Variants in ZFHX3 observed in about 807,000 individuals in gnomAD.
ZFHX3 encodes zinc finger homeobox 3, also known as zinc finger homeobox protein 3.
ZFHX3 carries 42 observed loss-of-function variants against 279.1 expected under a neutral mutation model. The observed-to-expected ratio is 0.15, with a 90% CI of 0.12 to 0.19. ZFHX3 has a LOEUF of 0.19. Ranked by LOEUF, ZFHX3 falls within the 10% of genes least tolerant of loss-of-function variation. The pLI is 1.00. For synonymous variants in ZFHX3, 2,293 were observed against 1,957.8 expected (o/e 1.17, Z -4.52); for missense variants, 4,981 against 4,754.0 (o/e 1.05, Z -1.40).
chr16:73,888,251 A>T (rs949673951), intron 1 of ZFHX3, among the ~76,000 whole-genome samples: 3 of 152,220 alleles, frequency 2.0e-5, no homozygotes, highest in Non-Finnish European at 4.4e-5. Context: ...TCATGCTAGC[A>T]GCGGTAACGG....
intron 4 of ZFHX3, among the ~76,000 whole-genome samples, chr16:73,265,078 CGTGTGTGTGT>C (rs72075949): frequency 2.7e-5 from 4 of 145,928 alleles, no homozygotes; most frequent in Admixed American, 6.8e-5. Flanking sequence ...CGCATATATG[CGTGTGTGTGT>C]GTGTGTGTGT....
At chr16:73,034,126 G>T (rs866007323) in intron 1 of ZFHX3, among the ~76,000 whole-genome samples, 1 of 151,870 alleles carries the variant, frequency 6.6e-6, no homozygotes, top group Non-Finnish European at 1.5e-5. Context: ...TCTAGGATGG[G>T]ACTGCTTGCC....
chr16:73,415,936 A>G (rs1393283135), intron 3 of ZFHX3, among the ~76,000 whole-genome samples: 1 of 152,118 alleles, frequency 6.6e-6, no homozygotes, highest in Non-Finnish European at 1.5e-5. Context: ...CCTGGCCAAC[A>G]TGGTGAAACC....
Position 73,363,656 on chromosome 16 carries a change from T to A in ZFHX3, c.-1290-45320A>T, listed in dbSNP as rs149825167. Among the ~76,000 whole-genome samples, 575 of 152,296 alleles carry A rather than the reference T, an allele frequency of 3.8e-3. 3 individuals are homozygous for A. The highest frequency in any genetic ancestry group is 0.013 in the African/African-American group (536 of 41,556). On this transcript the variant is annotated intron_variant, in intron 3 of 17. Coordinates refer to the ZFHX3 transcript ENST00000641206. ...ACTATGTCTTAATTATGCAATATTCTTAATTAATGGGGCATGGATGGATGA... is the reference window on the plus strand; with the variant it reads ...ACTATGTCTTAATTATGCAATATTCATAATTAATGGGGCATGGATGGATGA...
At chr16:73,576,319 T>C (rs1425555835) in intron 2 of ZFHX3, among the ~76,000 whole-genome samples, 1 of 152,184 alleles carries the variant, frequency 6.6e-6, no homozygotes, top group Non-Finnish European at 1.5e-5. Flanking sequence ...AGCCCTGAAA[T>C]TCTCAGCTAA....
intron 2 of ZFHX3, among the ~76,000 whole-genome samples, chr16:73,656,087 C>A (rs1001603413): frequency 1.3e-5 from 2 of 152,136 alleles, no homozygotes; most frequent in African/African-American, 4.8e-5. Context: ...CAGGGGTTGG[C>A]AAACTATAGA....
chr16:73,290,282 A>C (rs2014735774), intron 4 of ZFHX3, among the ~76,000 whole-genome samples: 1 of 152,188 alleles, frequency 6.6e-6, no homozygotes, highest in African/African-American at 2.4e-5. Context: ...TGCAGTGTTC[A>C]GCACCATGAG....
intron 1 of ZFHX3, among the ~76,000 whole-genome samples, chr16:73,872,224 T>C (rs936518921): frequency 1.3e-5 from 2 of 151,860 alleles, no homozygotes; most frequent in Admixed American, 1.3e-4. Context: ...TCACTCCCCA[T>C]ATAAAAGAGA....
rs146708537 is a variant in ZFHX3, at chr16:73,868,237, A to G, written c.-1608+23414T>C. Among the ~76,000 whole-genome samples, 14 of 152,216 alleles carry G rather than the reference A, an allele frequency of 9.2e-5. 1 individual carries two copies. Among genetic ancestry groups the G allele is most frequent in the Admixed American group, 2.6e-4 (4 of 15,288 alleles). On this transcript the variant is annotated intron_variant, in intron 1 of 17. Transcript: ENST00000641206. ...CACCCTCTGAAGTCAAGGTTCAACA[A>G]TGCGGCCAAGTGGGGTGGCTCACGC...
Position 72,784,451 on chromosome 16 carries a change from T to TTAAC in ZFHX3, c.*2709_*2712dup, listed in dbSNP as rs2035263417. On this transcript the variant is annotated 3_prime_UTR_variant, in exon 10 of 10. Transcript: ENST00000268489. ...GACAGGTAAAGCTAGTGTTACATTG[T>TTAAC]TAACTGATATCACATAGAGAACCAA... 1 of 152,500 alleles carries TTAAC rather than the reference T, an allele frequency of 6.6e-6. No homozygotes were observed. The highest frequency in any genetic ancestry group is 1.5e-5 in the Non-Finnish European group (1 of 68,026). The allele number at this position is 152,500 out of a possible 1,614,324, so 9.4% of individuals were successfully genotyped here.
Position 73,004,111 on chromosome 16 carries a change from T to C in ZFHX3, c.-50+43641A>G, listed in dbSNP as rs141631107. 3.3e-4 allele frequency among the ~76,000 whole-genome samples: 50 copies of C among 151,066 alleles called. No homozygotes were observed. In the East Asian group the frequency reaches 8.1e-3, roughly 24 times the overall value. ...TCCATTTGTGTTCTTTGCCCATTTA[T>C]CTCTTTTTATTTTTGTTTACCACAA... On this transcript the variant is annotated intron_variant, in intron 1 of 9. Transcript: ENST00000268489.
intron 1 of ZFHX3, among the ~76,000 whole-genome samples, chr16:73,704,898 G>C (rs974566616): frequency 6.6e-6 from 1 of 152,190 alleles, no homozygotes; most frequent in African/African-American, 2.4e-5. Context: ...TACTGATTCA[G>C]TATTGTGCTG....
intron 1 of ZFHX3, among the ~76,000 whole-genome samples, chr16:73,777,239 C>G (rs1424931199): frequency 6.6e-6 from 1 of 152,122 alleles, no homozygotes; most frequent in East Asian, 1.9e-4. Flanking sequence ...CACGGTGGCT[C>G]ATGCCTGTAA....
At position 73,471,451 on chromosome 16, in the gene ZFHX3, CA is replaced by C. The variant is rs1224605246; in HGVS notation, c.-1546-15194del. ...TAGACAGAATTTCACTCTTGTCGCC[CA>C]GGCTGAAGTGCAATGGTGCAATCTT... On this transcript the variant is annotated intron_variant, in intron 2 of 17. Transcript: ENST00000641206. 2.6e-5 allele frequency among the ~76,000 whole-genome samples: 4 copies of C among 152,006 alleles called. No homozygotes were observed. In the East Asian group the frequency reaches 7.7e-4, roughly 29 times the overall value.
intron 3 of ZFHX3, among the ~76,000 whole-genome samples, chr16:72,894,771 T>C (rs979013712): frequency 1.3e-5 from 2 of 152,236 alleles, no homozygotes; most frequent in Non-Finnish European, 2.9e-5. Context: ...AGCTGCCTGC[T>C]TTCAGAGTTC....
intron 5 of ZFHX3, among the ~76,000 whole-genome samples, chr16:73,227,079 C>A (rs1159281003): frequency 6.6e-6 from 1 of 152,090 alleles, no homozygotes; most frequent in Non-Finnish European, 1.5e-5. Flanking sequence ...TTCTGGGACA[C>A]TATTAAACTT....
chr16:73,229,639 G>A (rs2012710569), intron 5 of ZFHX3, among the ~76,000 whole-genome samples: 1 of 152,150 alleles, frequency 6.6e-6, no homozygotes, highest in African/African-American at 2.4e-5. Context: ...TTTAAGGGCA[G>A]CATGGTTCAA....
rs572035301 is a variant in ZFHX3, at chr16:73,379,294, T to G, written c.-1290-60958A>C. Among the ~76,000 whole-genome samples the G allele has an allele frequency of 4.5e-4, 69 of 152,300 alleles. 2 individuals are homozygous for G. Among genetic ancestry groups the G allele is most frequent in the African/African-American group, 1.6e-3 (66 of 41,562 alleles). On this transcript the variant is annotated intron_variant, in intron 3 of 17. Coordinates refer to the ZFHX3 transcript ENST00000641206. The stretch of plus-strand genomic sequence containing the variant: ...CATTATTGGGTCATTCTGGAATGCC[T>G]TGGCTTTTTACTTCTATTGACCCCC...
intron 2 of ZFHX3, among the ~76,000 whole-genome samples, chr16:73,635,917 T>A (rs1365780994): frequency 6.6e-6 from 1 of 152,248 alleles, no homozygotes; most frequent in Non-Finnish European, 1.5e-5. Flanking sequence ...CCTGATTTCA[T>A]GTAATTTGGC....
Sources: allele counts gnomAD v4.1 joint callset (sites outside exome capture counted in the v4.1 genomes callset), GRCh38; gene constraint gnomAD v4.1.1; transcripts MANE v1.5; gene names NCBI Gene and HGNC (gene_info 2026-07-23, HGNC 2026-07-21).